DNAH14: variants seen among roughly 807,000 people sequenced by gnomAD.
DNAH14 encodes the protein dynein axonemal heavy chain 14.
A neutral mutation model predicts 520.9 loss-of-function variants in DNAH14; 478 were observed. The observed-to-expected ratio is 0.92, with a 90% CI of 0.85 to 0.99. The LOEUF (loss-of-function observed/expected upper bound fraction) is 0.99. Ranked by LOEUF, DNAH14 falls within the 50% of genes least tolerant of loss-of-function variation. DNAH14 has a pLI of 0.00. For missense variants in DNAH14, 4,831 were observed against 5,234.5 expected (o/e 0.92, Z 2.38); for synonymous variants, 1,581 against 1,757.2 (o/e 0.90, Z 2.51).
chr1:224,930,998 A>G (rs971954280), intron 1 of DNAH14, among the ~76,000 whole-genome samples: 2 of 152,240 alleles, frequency 1.3e-5, no homozygotes, highest in African/African-American at 4.8e-5. Context: ...GAGATATTCC[A>G]GAAGAAGGCA....
intron 11 of DNAH14, among the ~76,000 whole-genome samples, chr1:225,034,365 T>C (rs1432745715): frequency 6.6e-6 from 1 of 152,204 alleles, no homozygotes; most frequent in Non-Finnish European, 1.5e-5. Context: ...TCACATTTAT[T>C]GATTTGTGTA....
chr1:225,186,529 C>T (rs976730892), intron 37 of DNAH14, among the ~76,000 whole-genome samples: 17 of 151,648 alleles, frequency 1.1e-4, no homozygotes, highest in African/African-American at 4.1e-4. Context: ...AAAAGTAGTA[C>T]ATATAATTGT....
intron 5 of DNAH14, among the ~76,000 whole-genome samples, chr1:224,965,782 CTG>C (rs1322637235): frequency 1.3e-5 from 2 of 152,010 alleles, no homozygotes; most frequent in Non-Finnish European, 2.9e-5. Flanking sequence ...CTGTGGAGGA[CTG>C]TGAAAATTAA....
At chr1:225,339,149 A>C (rs2095126503) in intron 68 of DNAH14, among the ~76,000 whole-genome samples, 1 of 64,948 alleles carries the variant, frequency 1.5e-5, no homozygotes, top group Non-Finnish European at 4.7e-5. Flanking sequence ...TACAAAAAAA[A>C]AAAAAAAAAA....
rs2095764034 is a variant in DNAH14, at chr1:225,380,329, A to G, written c.12880+7A>G. 1.9e-6 allele frequency: 3 copies of G among 1,549,632 alleles called. No homozygotes were observed. The highest frequency in any genetic ancestry group is 2.6e-6 in the Non-Finnish European group (3 of 1,145,958). ...CTTTCTAAAAATCTCAAAGGTGAGC[A>G]TGGGACAGGAGCTTTTTCCCCTTAC... is the stretch of plus-strand genomic sequence containing the variant. On this transcript the variant is annotated splice_region_variant and intron_variant, in intron 80 of 85. Transcript: ENST00000682510.
At chr1:225,034,300 G>A (rs1028835622) in intron 11 of DNAH14, among the ~76,000 whole-genome samples, 4 of 151,908 alleles carry the variant, frequency 2.6e-5, no homozygotes, top group African/African-American at 9.7e-5. Context: ...AGCCTTTTTT[G>A]CATCTGTTGA....
In DNAH14 at chr1:224,993,299, G is replaced by A. The variant is rs376383599; in HGVS notation, c.831-9484G>A. Among the ~76,000 whole-genome samples, 10 of 152,074 alleles carry A rather than the reference G, an allele frequency of 6.6e-5. No individual in the cohort carries two copies. In the East Asian group the frequency reaches 1.5e-3, roughly 23 times the overall value. On this transcript the variant is annotated intron_variant, in intron 8 of 85. Coordinates refer to ENST00000682510, the MANE Select transcript of DNAH14 (RefSeq NM_001367479.1). ...CTGGTATTAGTTCATAAAATTTTTG[G>A]TAGTGTTCTGCTGTGAAGCAACCAG...
chr1:224,975,162 A>C (rs2061733728), intron 8 of DNAH14, among the ~76,000 whole-genome samples: 1 of 151,696 alleles, frequency 6.6e-6, no homozygotes, highest in Non-Finnish European at 1.5e-5. Context: ...ATCAATGTTC[A>C]TCAAGGATAT....
intron 1 of DNAH14, among the ~76,000 whole-genome samples, chr1:224,935,663 C>T (rs751088349): frequency 1.3e-5 from 2 of 151,688 alleles, no homozygotes; most frequent in African/African-American, 2.4e-5. Context: ...ATTATCTAGA[C>T]AGAAAATCAA....
At chr1:225,078,859 C>CCTCTCTCTCTCTCTCTCTCTCTCTCT (rs752732306) in intron 17 of DNAH14, among the ~76,000 whole-genome samples, 1 of 18,982 alleles carries the variant, frequency 5.3e-5, no homozygotes, top group Non-Finnish European at 1.2e-4. Context: ...TCTCTCTCTC[C>CCTCTCTCTCTCTCTCTCTCTCTCTCT]CTCTCTCTCT....
intron 66 of DNAH14, among the ~76,000 whole-genome samples, chr1:225,335,529 A>G (rs370902597): frequency 0.021 from 2,129 of 100,394 alleles, 346 homozygotes; most frequent in African/African-American, 0.071. Flanking sequence ...ACATATATAC[A>G]TATGTACATA....
intron 19 of DNAH14, among the ~76,000 whole-genome samples, chr1:225,081,166 G>C (rs779067689): frequency 6.6e-6 from 1 of 152,058 alleles, no homozygotes; most frequent in Admixed American, 6.6e-5. Context: ...TTGAAATCTT[G>C]CCAATGCAAA....
At chr1:225,143,454 T>C (rs892953743) in intron 28 of DNAH14, among the ~76,000 whole-genome samples, 19 of 152,304 alleles carry the variant, frequency 1.2e-4, no homozygotes, top group African/African-American at 4.6e-4. Context: ...TTTCCAGATT[T>C]CTTTATAATA....
intron 41 of DNAH14, among the ~76,000 whole-genome samples, chr1:225,216,328 G>T (rs1186969888): frequency 6.6e-6 from 1 of 152,102 alleles, no homozygotes; most frequent in Non-Finnish European, 1.5e-5. Context: ...TGCCCTTAAT[G>T]TTTTTTCCTT....
intron 23 of DNAH14, among the ~76,000 whole-genome samples, chr1:225,110,163 T>C (rs2076376369): frequency 6.6e-6 from 1 of 152,128 alleles, no homozygotes; most frequent in African/African-American, 2.4e-5. Context: ...TGTGTCTTTG[T>C]CTGCTTTTAG....
chr1:225,038,354 T>A (rs1362275326), intron 11 of DNAH14, among the ~76,000 whole-genome samples: 1 of 152,124 alleles, frequency 6.6e-6, no homozygotes, highest in Non-Finnish European at 1.5e-5. Context: ...CTTCTTTAGG[T>A]TAAATCTGCT....
chr1:224,979,660 G>T (rs1336044727), intron 8 of DNAH14, among the ~76,000 whole-genome samples: 1 of 152,168 alleles, frequency 6.6e-6, no homozygotes, highest in Non-Finnish European at 1.5e-5. Flanking sequence ...AGCTGGAAAG[G>T]CTAAGAGAGT....
chr1:225,023,376 T>C (rs1311502794), intron 10 of DNAH14, among the ~76,000 whole-genome samples: 1 of 151,432 alleles, frequency 6.6e-6, no homozygotes, highest in Non-Finnish European at 1.5e-5. Context: ...TTTTTTTTTT[T>C]CCTCTGTCCT....
intron 20 of DNAH14, among the ~76,000 whole-genome samples, chr1:225,084,258 G>T (rs1040724765): frequency 2.0e-5 from 3 of 152,040 alleles, no homozygotes; most frequent in African/African-American, 7.2e-5. Context: ...CAATCAGCTG[G>T]TAATTTCAAG....
Sources: allele counts gnomAD v4.1 joint callset (sites outside exome capture counted in the v4.1 genomes callset), GRCh38; gene constraint gnomAD v4.1.1; transcripts MANE v1.5; gene names NCBI Gene and HGNC (gene_info 2026-07-23, HGNC 2026-07-21).